OGFR: variants seen among roughly 807,000 people sequenced by gnomAD.
OGFR encodes the protein protein 7-60.
OGFR carries 18 observed loss-of-function variants against 33.6 expected under a neutral mutation model. That is an observed-to-expected ratio of 0.54 (90% CI 0.37 to 0.80). The LOEUF is 0.80. OGFR is among the 30% of genes least tolerant of loss of function. The probability of loss-of-function intolerance (pLI) is 0.00; values close to 1 mark genes in which losing one functional copy is unlikely to be tolerated. For missense variants in OGFR, 877 were observed against 955.8 expected, an observed-to-expected ratio of 0.92 and a Z score of 1.09; for synonymous variants, 370 against 400.7, an observed-to-expected ratio of 0.92 and a Z score of 0.91.
At chr20:62,807,510 T>C (rs1354508553) in intron 1 of OGFR, 27 bp from the exon 2 acceptor site, 1 of 1,607,400 alleles carries the variant, frequency 6.2e-7, no homozygotes, top group South Asian at 1.1e-5. Context: ...CCCATGGGGG[T>C]CCTAATCCCA....
chr20:62,808,401 G>A, intron 3 of OGFR, 76 bp downstream of exon 3: 2 of 1,124,976 alleles, frequency 1.8e-6, no homozygotes, highest in South Asian at 1.3e-5. Flanking sequence ...GCCCTGGTTT[G>A]GGATGTACCC....
chr20:62,808,544 C>T (rs1990649257), intron 3 of OGFR, among the ~76,000 whole-genome samples: 1 of 152,200 alleles, frequency 6.6e-6, no homozygotes, highest in South Asian at 2.1e-4. Flanking sequence ...CTGTAAAGAG[C>T]CAGAGACTGA....
intron 4 of OGFR, among the ~76,000 whole-genome samples, chr20:62,810,269 CCTG>C (rs1041081633): frequency 2.0e-5 from 3 of 152,192 alleles, no homozygotes; most frequent in South Asian, 2.1e-4. Context: ...CCTCCCCAGT[CCTG>C]CTGAGCATGC....
intron 1 of OGFR, chr20:62,806,291 C>G (rs1231624671): frequency 6.6e-6 from 1 of 152,186 alleles, no homozygotes; most frequent in East Asian, 1.9e-4. Context: ...GCCTGTAATC[C>G]CAGCACTTTC....
At chr20:62,808,140 T>C (rs749099053) in intron 2 of OGFR, 107 bp from the exon 3 acceptor site, 5 of 883,996 alleles carry the variant, frequency 5.7e-6, no homozygotes, top group Non-Finnish European at 9.7e-6. Context: ...CTTGGGGTAT[T>C]GGGCCAGCCT....
In OGFR at chr20:62,809,651, C is replaced by T; in HGVS notation, c.386C>T (p.Ser129Phe). The change falls in exon 4 of 7, where the codon TCC (serine) becomes TTC (phenylalanine). Residue 129 changes from serine to phenylalanine, a missense_variant. Coordinates refer to ENST00000290291, the MANE Select transcript of OGFR (RefSeq NM_007346.4). Reference sequence around the variant, plus strand: ...TATGACCTCCTTGAGGACAATCACTCCTACATCCAGTGGTGAGTTGGGGAG... The same window carrying T: ...TATGACCTCCTTGAGGACAATCACTTCTACATCCAGTGGTGAGTTGGGGAG... Reference protein sequence around the residue: ...DNYDLLEDNHSYIQWLFPLRE... With the variant: ...DNYDLLEDNHFYIQWLFPLRE... The T allele has an allele frequency of 3.1e-6, 5 of 1,610,874 alleles. No individual in the cohort carries two copies. Among genetic ancestry groups the T allele is most frequent in the Non-Finnish European group, 4.2e-6 (5 of 1,178,514 alleles).
rs1391314465 is a variant in OGFR, at chr20:62,813,329, G to C, written c.1714G>C (p.Asp572His). ...CCCCCGCCCGGCAGGACCTGCAGGG[G>C]ACGAGCCAGCCGAGAGCCCATCGGA... The part of the protein sequence containing the change: ...PGPRPAGPAG[D>H]EPAESPSETP... The change falls in exon 7 of 7, where the codon GAC (aspartate) becomes CAC (histidine). Residue 572 changes from aspartate (D) to histidine (H), a missense_variant. Asp to His is a moderately conservative substitution (Grantham distance 81). This residue lies in a region of OGFR where 72 missense variants were observed against 181.8 expected (regional missense o/e 0.40). Transcript: ENST00000290291. The C allele has an allele frequency of 6.7e-6, 9 of 1,345,230 alleles. No individual in the cohort carries two copies. The highest frequency in any genetic ancestry group is 2.1e-5 in the Admixed American group (1 of 46,756). The allele number at this position is 1,345,230 out of a possible 1,614,324, so 83.3% of individuals were successfully genotyped here. A position where few individuals can be genotyped will look rare whatever the true frequency, so the allele number is the denominator to read the frequency against.
At chr20:62,809,993 G>A (rs1487075475) in intron 4 of OGFR, among the ~76,000 whole-genome samples, 7 of 152,250 alleles carry the variant, frequency 4.6e-5, no homozygotes, top group Admixed American at 4.6e-4. Flanking sequence ...GCCTCAAGGG[G>A]CGGCCCCCGT....
At chr20:62,809,798 C>T in intron 4 of OGFR, 135 bp downstream of exon 4, 2 of 729,716 alleles carry the variant, frequency 2.7e-6, no homozygotes, top group East Asian at 2.6e-5. Context: ...CTGGTGTCCA[C>T]ATTACACGGA....
intron 1 of OGFR, chr20:62,807,033 G>T (rs1192039246): frequency 1.8e-5 from 3 of 165,178 alleles, no homozygotes; most frequent in Non-Finnish European, 4.0e-5. Context: ...CCTGCCAGAA[G>T]CACCTGGGTC....
intron 6 of OGFR, 148 bp from the exon 7 acceptor site, chr20:62,812,082 C>A: frequency 1.4e-6 from 1 of 706,982 alleles, no homozygotes; most frequent in Non-Finnish European, 2.3e-6. Context: ...CTCCCCTGGG[C>A]CCAGAGAGGT....
rs150586067 is a variant in OGFR at position 62,810,932 on chromosome 20, G to A, written c.465+367G>A. 9.7e-3 allele frequency among the ~76,000 whole-genome samples: 1,472 copies of A among 152,360 alleles called. 15 individuals are homozygous for A. The highest frequency in any genetic ancestry group is 0.016 in the Non-Finnish European group (1,072 of 68,038). ...GATGCAGGGACTTAGAGAGCCGAGG[G>A]GCCCCTCCTGGCACTTTCCCATGGC... is the stretch of plus-strand genomic sequence containing the variant. On this transcript the variant is annotated intron_variant, in intron 5 of 6. Transcript: ENST00000290291.
rs1190361621 is a variant in OGFR at position 62,811,630 on chromosome 20, G to A, written c.614+20G>A. 24 of 1,262,008 alleles carry A rather than the reference G, an allele frequency of 1.9e-5. No individual in the cohort carries two copies. The highest frequency in any genetic ancestry group is 5.1e-5 in the African/African-American group (3 of 59,376). The allele number at this position is 1,262,008 out of a possible 1,614,324, so 78.2% of individuals were successfully genotyped here. On this transcript the variant is annotated intron_variant, in intron 6 of 6. Transcript: ENST00000290291. ...GAACTGGTGAGGCCCGGCTGCTCCC[G>A]CCCACCCCCACCCCGGCGCAGAACA... is the stretch of plus-strand genomic sequence containing the variant.
intron 6 of OGFR, 42 bp from the exon 7 acceptor site, chr20:62,812,188 G>A: frequency 2.1e-6 from 3 of 1,445,754 alleles, no homozygotes; most frequent in Non-Finnish European, 2.7e-6. Flanking sequence ...CCAGCAGGAG[G>A]GGCCCCAGCC....
At chr20:62,809,758 G>A (rs929689252) in intron 4 of OGFR, 95 bp downstream of exon 4, 25 of 955,686 alleles carry the variant, frequency 2.6e-5, no homozygotes, top group Middle Eastern at 2.1e-4. Flanking sequence ...TTCCTGGCAC[G>A]GACTGAGCAC....
rs548484070 is a variant in OGFR at position 62,807,626 on chromosome 20, C to T, written c.240+21C>T. On this transcript the variant is annotated intron_variant, in intron 2 of 6. Coordinates refer to ENST00000290291, the MANE Select transcript of OGFR (RefSeq NM_007346.4). Reference sequence around the variant, plus strand: ...ATCCGGTACGTACCTGCCCCTGCCCCGGGACACAGAACCCTCCCGCCAGCT... The same window carrying T: ...ATCCGGTACGTACCTGCCCCTGCCCTGGGACACAGAACCCTCCCGCCAGCT... The T allele has an allele frequency of 1.4e-4, 225 of 1,608,776 alleles. 1 individual carries two copies. The highest frequency in any genetic ancestry group is 3.3e-4 in the Middle Eastern group (2 of 6,048).
intron 1 of OGFR, chr20:62,807,327 T>C: frequency 1.7e-6 from 1 of 604,526 alleles, no homozygotes; most frequent in Non-Finnish European, 3.0e-6. Context: ...CTGTGCAGGG[T>C]ATTGGGATGC....
At chr20:62,809,863 A>G (rs530996149) in intron 4 of OGFR, among the ~76,000 whole-genome samples, 200 bp downstream of exon 4, 3 of 152,198 alleles carry the variant, frequency 2.0e-5, no homozygotes, top group Admixed American at 6.5e-5. Context: ...TCTGTCCCCA[A>G]TCTGTGGGCT....
Position 62,808,292 on chromosome 20 carries a change from T to C in OGFR, c.286T>C (p.Phe96Leu), listed in dbSNP as rs1327039073. 6.2e-7 allele frequency: 1 copy of C among 1,613,440 alleles called. No individual in the cohort carries two copies. ...DCNGDTPNLS[F>L]YRNEIRFLPN... ...CAATGGGGACACGCCAAACCTGAGT[T>C]TCTACAGAAATGAGATCCGCTTCCT... is the stretch of plus-strand genomic sequence containing the variant. Residue 96 changes from phenylalanine to leucine, a missense_variant, in exon 3 of 7, where the codon TTC becomes CTC. By Grantham distance (22) the Phe-to-Leu change is conservative (BLOSUM62 0). Coordinates refer to ENST00000290291, the MANE Select transcript of OGFR (RefSeq NM_007346.4).
Sources: gnomAD v4.1 joint callset for allele counts (sites outside exome capture counted in the v4.1 genomes callset) on GRCh38, gnomAD v4.1.1 for gene constraint, gnomAD v4.1.1 regional missense constraint, MANE v1.5 for transcripts, NCBI Gene and HGNC (gene_info 2026-07-23, HGNC 2026-07-21) for gene names.